The following ZNF385D variants were observed in gnomAD, a reference collection of about 807,000 sequenced individuals.
The protein encoded by ZNF385D is zinc finger protein 385D, also known as zinc finger protein 659.
Under a neutral mutation model 35.8 loss-of-function variants are expected in ZNF385D, and 15 were observed. The observed-to-expected ratio is 0.42, with a 90% CI of 0.28 to 0.64. ZNF385D has a LOEUF of 0.64. Among genes scored for constraint, ZNF385D ranks in the 30% least tolerant of loss-of-function variants. ZNF385D has a pLI of 0.23. For synonymous variants in ZNF385D, 212 were observed against 186.8 expected, an observed-to-expected ratio of 1.13 and a Z score of -1.10; for missense variants, 474 against 494.6, an observed-to-expected ratio of 0.96 and a Z score of 0.39.
chr3:21,875,765 T>A (rs1189528901), intron 3 of ZNF385D, among the ~76,000 whole-genome samples: 1 of 152,060 alleles, frequency 6.6e-6, no homozygotes, highest in East Asian at 1.9e-4. Flanking sequence ...GCCACCACTG[T>A]TGTCATCTTC....
chr3:21,811,223 T>C (rs1482313601), intron 3 of ZNF385D, among the ~76,000 whole-genome samples: 2 of 152,094 alleles, frequency 1.3e-5, no homozygotes, highest in African/African-American at 2.4e-5. Context: ...AGAAATTCTA[T>C]AAGCAAGACA....
chr3:22,084,114 G>A (rs1046054502), intron 3 of ZNF385D, among the ~76,000 whole-genome samples: 8 of 152,192 alleles, frequency 5.3e-5, no homozygotes, highest in African/African-American at 1.9e-4. Context: ...ACCAGTACCA[G>A]CCACTGCAAA....
At chr3:21,680,534 T>G (rs2066865314) in intron 1 of ZNF385D, among the ~76,000 whole-genome samples, 2 of 152,184 alleles carry the variant, frequency 1.3e-5, no homozygotes, top group Non-Finnish European at 2.9e-5. Flanking sequence ...TGCAACCCAC[T>G]TCTTTTAGTG....
intron 3 of ZNF385D, among the ~76,000 whole-genome samples, chr3:22,145,420 C>G (rs1308202293): frequency 6.6e-6 from 1 of 152,232 alleles, no homozygotes; most frequent in Non-Finnish European, 1.5e-5. Context: ...GAAGTCTCCT[C>G]TCTTCATACA....
chr3:21,634,339 A>C (rs2065365471), intron 2 of ZNF385D, among the ~76,000 whole-genome samples: 2 of 150,252 alleles, frequency 1.3e-5, no homozygotes, highest in Admixed American at 1.3e-4. Flanking sequence ...AGGAAGGGAG[A>C]GAGGAAAGAA....
At chr3:22,079,369 C>A (rs913173937) in intron 3 of ZNF385D, among the ~76,000 whole-genome samples, 5 of 151,754 alleles carry the variant, frequency 3.3e-5, no homozygotes, top group Non-Finnish European at 7.4e-5. Flanking sequence ...ATGATTACAA[C>A]ATTAATTATA....
intron 2 of ZNF385D, among the ~76,000 whole-genome samples, chr3:22,196,464 C>A (rs1163274154): frequency 6.6e-6 from 1 of 151,792 alleles, no homozygotes; most frequent in Non-Finnish European, 1.5e-5. Flanking sequence ...TTTCTATTTT[C>A]TCCTTTCATT....
chr3:22,173,623 A>G (rs1694614454), intron 2 of ZNF385D, among the ~76,000 whole-genome samples: 1 of 152,142 alleles, frequency 6.6e-6, no homozygotes, highest in African/African-American at 2.4e-5. Flanking sequence ...CATTCATCTC[A>G]CGGTAGAAAT....
At chr3:21,809,574 TAATC>T (rs1328569024) in intron 3 of ZNF385D, among the ~76,000 whole-genome samples, 4 of 151,160 alleles carry the variant, frequency 2.6e-5, no homozygotes, top group Non-Finnish European at 5.9e-5. Flanking sequence ...ACAAACCCTA[TAATC>T]AATATACAAT....
intron 3 of ZNF385D, among the ~76,000 whole-genome samples, chr3:21,845,894 A>G (rs1483235310): frequency 1.3e-5 from 2 of 152,042 alleles, no homozygotes; most frequent in Admixed American, 1.3e-4. Flanking sequence ...CACACAAAAA[A>G]GAGGCTCCCA....
intron 3 of ZNF385D, among the ~76,000 whole-genome samples, chr3:22,057,980 A>T (rs928733300): frequency 6.6e-6 from 1 of 152,226 alleles, no homozygotes; most frequent in African/African-American, 2.4e-5. Flanking sequence ...ATCTCAATCA[A>T]ATAAAGTAAT....
intron 2 of ZNF385D, among the ~76,000 whole-genome samples, chr3:22,356,986 G>C (rs1446265636): frequency 6.6e-6 from 1 of 151,768 alleles, no homozygotes; most frequent in Middle Eastern, 3.2e-3. Flanking sequence ...AAACAAGATA[G>C]CAAGTTATAA....
At chr3:21,494,532 C>G (rs1705676607) in intron 4 of ZNF385D, among the ~76,000 whole-genome samples, 1 of 152,144 alleles carries the variant, frequency 6.6e-6, no homozygotes, top group Non-Finnish European at 1.5e-5. Context: ...CAGGAGACAG[C>G]AAGGCAAAGG....
chr3:21,700,895 A>C (rs2067657811), intron 1 of ZNF385D, among the ~76,000 whole-genome samples: 1 of 152,222 alleles, frequency 6.6e-6, no homozygotes, highest in Non-Finnish European at 1.5e-5. Flanking sequence ...TTTCATTCAG[A>C]TAAAAAATAT....
chr3:22,031,920 C>T (rs1183206319), intron 3 of ZNF385D, among the ~76,000 whole-genome samples: 1 of 152,204 alleles, frequency 6.6e-6, no homozygotes, highest in African/African-American at 2.4e-5. Flanking sequence ...ATCTTGAATG[C>T]TTTGCTGCTT....
intron 2 of ZNF385D, among the ~76,000 whole-genome samples, chr3:22,242,768 A>G (rs754707586): frequency 6.6e-6 from 1 of 151,186 alleles, no homozygotes; most frequent in South Asian, 2.1e-4. Context: ...ACCAATTTTA[A>G]TATTTTAGTT....
intron 2 of ZNF385D, among the ~76,000 whole-genome samples, chr3:22,332,154 C>G (rs1281465768): frequency 1.3e-5 from 2 of 152,164 alleles, no homozygotes; most frequent in African/African-American, 4.8e-5. Context: ...CCTAACAAGA[C>G]CTGGTTGTTT....
At chr3:22,237,393 T>C (rs1195540434) in intron 2 of ZNF385D, among the ~76,000 whole-genome samples, 1 of 152,190 alleles carries the variant, frequency 6.6e-6, no homozygotes, top group East Asian at 1.9e-4. Flanking sequence ...GTGTTATTTT[T>C]ATATTCTAGA....
chr3:21,943,181 C>T lies in ZNF385D; in HGVS notation c.325+225636G>A, dbSNP rs1328948903. Among the ~76,000 whole-genome samples the T allele has an allele frequency of 2.6e-5, 4 of 151,872 alleles. No homozygotes were observed. The South Asian group carries it at 8.3e-4, about 32-fold the overall frequency. ...CAGTTCACATTTTGGTACTGTCTAGCTTATAGTGAAAAAAGGCATCTTGAA... is the reference window on the plus strand; with the variant it reads ...CAGTTCACATTTTGGTACTGTCTAGTTTATAGTGAAAAAAGGCATCTTGAA... On this transcript the variant is annotated intron_variant, in intron 3 of 5. Coordinates refer to the ZNF385D transcript ENST00000494108.
Sources: gnomAD v4.1 joint callset for allele counts (sites outside exome capture counted in the v4.1 genomes callset) on GRCh38, gnomAD v4.1.1 for gene constraint, MANE v1.5 for transcripts, NCBI Gene and HGNC (gene_info 2026-07-23, HGNC 2026-07-21) for gene names.